The following CADM1 variants were observed in gnomAD, a reference collection of about 807,000 sequenced individuals.
CADM1 encodes the protein TSLC-1.
Under a neutral mutation model 53.1 loss-of-function variants are expected in CADM1, and 15 were observed. The ratio of observed to expected loss-of-function variants is 0.28; its 90% CI spans 0.19 to 0.44. The LOEUF (loss-of-function observed/expected upper bound fraction) is 0.44. CADM1 is among the 20% of genes least tolerant of loss of function. The probability of loss-of-function intolerance (pLI) is 1.00; values close to 1 mark genes in which losing one functional copy is unlikely to be tolerated. For synonymous variants in CADM1, 281 were observed against 243.0 expected (o/e 1.16, Z -1.45); for missense variants, 434 against 611.3 (o/e 0.71, Z 3.06).
intron 1 of CADM1, among the ~76,000 whole-genome samples, chr11:115,433,853 C>T (rs1948116897): frequency 6.6e-6 from 1 of 152,184 alleles, no homozygotes. Context: ...ATGTTGTTCT[C>T]TTGTGAGCCT....
At chr11:115,327,919 A>G (rs878899343) in intron 1 of CADM1, among the ~76,000 whole-genome samples, 5 of 152,076 alleles carry the variant, frequency 3.3e-5, no homozygotes, top group Admixed American at 2.0e-4. Flanking sequence ...TTGGAATGCT[A>G]TATGGTTCTT....
At chr11:115,338,317 G>C (rs1003184177) in intron 1 of CADM1, among the ~76,000 whole-genome samples, 7 of 151,998 alleles carry the variant, frequency 4.6e-5, no homozygotes, top group African/African-American at 1.7e-4. Context: ...CAAATAATTT[G>C]CCTAAGGTTA....
At chr11:115,435,479 T>A (rs1948162863) in intron 1 of CADM1, among the ~76,000 whole-genome samples, 1 of 152,190 alleles carries the variant, frequency 6.6e-6, no homozygotes, top group Non-Finnish European at 1.5e-5. Context: ...ACTCCTGTAA[T>A]CCCAGCACTT....
At chr11:115,409,764 G>A (rs539117442) in intron 1 of CADM1, among the ~76,000 whole-genome samples, 86 of 152,014 alleles carry the variant, frequency 5.7e-4, no homozygotes, top group Non-Finnish European at 9.6e-4. Flanking sequence ...TCCACTGCCT[G>A]CTCCCAGATA....
At chr11:115,309,809 A>G (rs1944483288) in intron 1 of CADM1, among the ~76,000 whole-genome samples, 1 of 152,178 alleles carries the variant, frequency 6.6e-6, no homozygotes, top group African/African-American at 2.4e-5. Flanking sequence ...TCTATCTCAA[A>G]TAACTGTTGC....
intron 1 of CADM1, among the ~76,000 whole-genome samples, chr11:115,500,921 G>T (rs957795021): frequency 6.6e-6 from 1 of 152,234 alleles, no homozygotes; most frequent in Admixed American, 6.5e-5. Flanking sequence ...GAGAGGAAAC[G>T]AAAGTGTCCT....
chr11:115,449,988 TCATTCATTC>T (rs755554039), intron 1 of CADM1, among the ~76,000 whole-genome samples: 41 of 152,220 alleles, frequency 2.7e-4, no homozygotes, highest in Middle Eastern at 3.4e-3. Context: ...TTTTTTTCAT[TCATTCATTC>T]CATTCATTCA....
chr11:115,391,040 A>C (rs1445676164), intron 1 of CADM1, among the ~76,000 whole-genome samples: 2 of 152,216 alleles, frequency 1.3e-5, no homozygotes, highest in Admixed American at 6.5e-5. Flanking sequence ...ATAGAAATGC[A>C]CAGAATAGTC....
chr11:115,487,238 T>G (rs187026612), intron 1 of CADM1, among the ~76,000 whole-genome samples: 10 of 152,216 alleles, frequency 6.6e-5, no homozygotes, highest in African/African-American at 2.4e-4. Flanking sequence ...GTTTCTCTTG[T>G]TGAAATGGTA....
At chr11:115,296,226 T>C (rs1046568916) in intron 1 of CADM1, among the ~76,000 whole-genome samples, 3 of 152,284 alleles carry the variant, frequency 2.0e-5, no homozygotes, top group Non-Finnish European at 1.5e-5. Context: ...GCTGGGATTA[T>C]AGGCATGAAC....
intron 8 of CADM1, among the ~76,000 whole-genome samples, chr11:115,204,787 A>G (rs1940600837): frequency 6.6e-6 from 1 of 152,238 alleles, no homozygotes; most frequent in Non-Finnish European, 1.5e-5. Flanking sequence ...TATGTGATCC[A>G]ATCCACATTA....
chr11:115,344,334 T>C (rs760426009), intron 1 of CADM1, among the ~76,000 whole-genome samples: 30 of 152,190 alleles, frequency 2.0e-4, no homozygotes, highest in Non-Finnish European at 3.2e-4. Flanking sequence ...GTTTGCTGGA[T>C]ATTTCTCCTT....
chr11:115,298,300 A>G (rs1308556532), intron 1 of CADM1, among the ~76,000 whole-genome samples: 2 of 152,220 alleles, frequency 1.3e-5, no homozygotes, highest in Non-Finnish European at 2.9e-5. Flanking sequence ...TGCTCTAAGA[A>G]GCTATGTGAT....
chr11:115,336,835 A>G (rs1945279731), intron 1 of CADM1, among the ~76,000 whole-genome samples: 1 of 151,908 alleles, frequency 6.6e-6, no homozygotes, highest in Non-Finnish European at 1.5e-5. Context: ...TCTCAAGATG[A>G]AAAAAAATTA....
chr11:115,323,060 T>C (rs968370463), intron 1 of CADM1, among the ~76,000 whole-genome samples: 4 of 152,210 alleles, frequency 2.6e-5, no homozygotes, highest in East Asian at 1.9e-4. Context: ...TAGCAACATA[T>C]AAGAGCTCCA....
chr11:115,495,052 G>A (rs1949580233), intron 1 of CADM1, among the ~76,000 whole-genome samples: 1 of 152,116 alleles, frequency 6.6e-6, no homozygotes. Flanking sequence ...GTACGTACAA[G>A]GAAAAGTGAA....
At chr11:115,346,930 CCAAA>C (rs1344599993) in intron 1 of CADM1, among the ~76,000 whole-genome samples, 2 of 151,940 alleles carry the variant, frequency 1.3e-5, no homozygotes, top group East Asian at 1.9e-4. Context: ...AATAATAATA[CCAAA>C]CATTGTCAGA....
At chr11:115,498,251 T>C (rs1223500100) in intron 1 of CADM1, among the ~76,000 whole-genome samples, 1 of 152,232 alleles carries the variant, frequency 6.6e-6, no homozygotes, top group Non-Finnish European at 1.5e-5. Context: ...CATTTTGTGA[T>C]CACTTCAGTT....
intron 5 of CADM1, among the ~76,000 whole-genome samples, chr11:115,225,737 TC>T (rs1333286733): frequency 1.3e-5 from 2 of 152,196 alleles, no homozygotes; most frequent in Non-Finnish European, 2.9e-5. Context: ...CTCTCTTTTT[TC>T]CCTGTCTTAC....
Sources: allele counts gnomAD v4.1 joint callset (sites outside exome capture counted in the v4.1 genomes callset), GRCh38; gene constraint gnomAD v4.1.1; transcripts MANE v1.5; gene names NCBI Gene and HGNC (gene_info 2026-07-23, HGNC 2026-07-21).